The following RFX1 variants were observed in gnomAD, a reference collection of about 807,000 sequenced individuals.
RFX1 encodes the protein regulatory factor X1, also known as MHC class II regulatory factor RFX1.
RFX1 carries 42 observed loss-of-function variants against 119.6 expected under a neutral mutation model. That is an observed-to-expected ratio of 0.35 (90% CI 0.27 to 0.45). The LOEUF (loss-of-function observed/expected upper bound fraction) is 0.45. Ranked by LOEUF, RFX1 falls within the 20% of genes least tolerant of loss-of-function variation. The probability of loss-of-function intolerance (pLI) is 1.00; values close to 1 mark genes in which losing one functional copy is unlikely to be tolerated. For synonymous variants in RFX1, 628 were observed against 618.5 expected (o/e 1.02, Z -0.23); for missense variants, 1,118 against 1,368.1 (o/e 0.82, Z 2.88).
chr19:13,971,179 C>A (rs1312172940), intron 9 of RFX1, among the ~76,000 whole-genome samples: 8 of 151,604 alleles, frequency 5.3e-5, no homozygotes, highest in Non-Finnish European at 7.4e-5. Context: ...ACTAAAAATA[C>A]AAAAATTAGC....
intron 1 of RFX1, among the ~76,000 whole-genome samples, chr19:13,994,399 C>T (rs1382924811): frequency 2.0e-5 from 3 of 152,148 alleles, no homozygotes; most frequent in African/African-American, 7.2e-5. Flanking sequence ...TGGGCACTTT[C>T]CCTATGTTAG....
Position 13,969,021 on chromosome 19 carries a change from G to T in RFX1, c.1497-127C>A. The T allele has an allele frequency of 9.1e-7, 1 of 1,098,616 alleles. No homozygotes were observed. The highest frequency in any genetic ancestry group is 1.3e-6 in the Non-Finnish European group (1 of 777,962). The allele number at this position is 1,098,616 out of a possible 1,614,324, so 68.1% of individuals were successfully genotyped here. ...GATAGAGAGACGCCTGCCCTGCAGA[G>T]ACGGGGGTGCTGCACTGAGGAGGCA... On this transcript the variant is annotated intron_variant, in intron 10 of 20. Coordinates refer to ENST00000254325, the MANE Select transcript of RFX1 (RefSeq NM_002918.5). This position sits in a 1 kb window ranked among gnomAD's most constrained non-coding sequence, Gnocchi z 4.5.
rs563474870 is a variant in RFX1, at chr19:13,965,467, C to T, written c.2193G>A (p.Glu731=). The T allele has an allele frequency of 6.2e-7, 1 of 1,613,960 alleles. No individual in the cohort carries two copies. The highest frequency in any genetic ancestry group is 2.2e-5 in the East Asian group (1 of 44,884). The part of the protein sequence containing the change: ...WLTHAMVNIP[E]EMLRVKVAAA... ...CTCTCACCTTCACCCGCAGCATCTC[C>T]TCGGGGATGTTGACCATGGCGTGGG... Residue 731 remains glutamate (E), a synonymous_variant, in exon 16 of 21, where the codon GAG becomes GAA. Transcript: ENST00000254325. The surrounding 1 kb of genome is among the most constrained non-coding windows in gnomAD (Gnocchi z 4.7).
At chr19:14,003,409 A>C (rs1975279490) in intron 1 of RFX1, among the ~76,000 whole-genome samples, 1 of 152,104 alleles carries the variant, frequency 6.6e-6, no homozygotes, top group African/African-American at 2.4e-5. Context: ...GATCCCTGTC[A>C]TCGACCCACA....
At position 13,982,149 on chromosome 19, in the gene RFX1, C is replaced by T. The variant is rs774273378; in HGVS notation, c.593G>A (p.Gly198Asp). 34 of 1,311,472 alleles carry T rather than the reference C, an allele frequency of 2.6e-5. No individual in the cohort carries two copies. Among genetic ancestry groups the T allele is most frequent in the Non-Finnish European group, 3.2e-5 (33 of 1,021,536 alleles). The allele number at this position is 1,311,472 out of a possible 1,614,324, so 81.2% of individuals were successfully genotyped here. ...KGGQVSLTVH[G>D]TQQVHSPPEQ... ...TGGGGGCGAGTGCACCTGCTGGGTA[C>T]CATGGACCGTCAGGGAGACCTGGCC... The change falls in exon 5 of 21, where the codon GGT becomes GAT. Residue 198 changes from glycine (G) to aspartate (D), a missense_variant. By Grantham distance (94) the Gly-to-Asp change is moderately conservative. This residue lies in a region of RFX1 where 542 missense variants were observed against 602.7 expected (regional missense o/e 0.90). Coordinates refer to ENST00000254325, the MANE Select transcript of RFX1 (RefSeq NM_002918.5).
chr19:13,966,206 G>A lies in RFX1; in HGVS notation c.1961+215C>T, dbSNP rs973410479. ...ATTCCAGAACCTGCCACTCCAGGGA[G>A]AAGATGGTGCCCTGCCCCATGCCTG... On this transcript the variant is annotated intron_variant, in intron 14 of 20. Coordinates refer to ENST00000254325, the MANE Select transcript of RFX1 (RefSeq NM_002918.5). This position sits in a 1 kb window ranked among gnomAD's most constrained non-coding sequence, Gnocchi z 6.3. Among the ~76,000 whole-genome samples, 1 of 152,154 alleles carries A rather than the reference G, an allele frequency of 6.6e-6. No individual in the cohort carries two copies.
rs1974019707 is a variant in RFX1, at chr19:13,969,861, G to GCTGT, written c.1496+129_1496+132dup. 1 of 824,360 alleles carries GCTGT rather than the reference G, an allele frequency of 1.2e-6. No homozygotes were observed. Among genetic ancestry groups the GCTGT allele is most frequent in the Non-Finnish European group, 1.9e-6 (1 of 535,044 alleles). 51.1% of individuals were successfully genotyped at this position (824,360 alleles called of 1,614,324 possible). On this transcript the variant is annotated intron_variant, in intron 10 of 20. Coordinates refer to ENST00000254325, the MANE Select transcript of RFX1 (RefSeq NM_002918.5). This position sits in a 1 kb window ranked among gnomAD's most constrained non-coding sequence, Gnocchi z 4.5. ...AAGGCCTAGAGTGGGAGTGAGCGGG[G>GCTGT]CTGTCGAGGAGCCTCGCAGAGGCCG... is the stretch of plus-strand genomic sequence containing the variant.
Position 13,962,606 on chromosome 19 carries a change from C to A in RFX1, c.*89G>T, listed in dbSNP as rs1446076418. The A allele has an allele frequency of 4.5e-6, 5 of 1,117,200 alleles. No individual in the cohort carries two copies. Among genetic ancestry groups the A allele is most frequent in the Non-Finnish European group, 4.8e-6 (4 of 831,278 alleles). The allele number at this position is 1,117,200 out of a possible 1,614,324, so 69.2% of individuals were successfully genotyped here. On this transcript the variant is annotated 3_prime_UTR_variant, in exon 21 of 21. Coordinates refer to ENST00000254325, the MANE Select transcript of RFX1 (RefSeq NM_002918.5). ...GTCCCCCTCCCTGCCCTGGCTGAGG[C>A]TGGAGCAGTGACCACGAAGCCACAG...
At chr19:13,987,830 G>T (rs1974655322) in intron 2 of RFX1, among the ~76,000 whole-genome samples, 1 of 152,192 alleles carries the variant, frequency 6.6e-6, no homozygotes, top group Non-Finnish European at 1.5e-5. Context: ...ACCAAAGTGA[G>T]CCCCAGAGAG....
intron 2 of RFX1, among the ~76,000 whole-genome samples, chr19:13,991,413 A>T (rs991948056): frequency 6.6e-6 from 1 of 152,204 alleles, no homozygotes; most frequent in Non-Finnish European, 1.5e-5. Context: ...CCATGACTGC[A>T]GCCCGACCTC....
chr19:13,982,130 C>T lies in RFX1; in HGVS notation c.612G>A (p.Ser204=), dbSNP rs570569921. 10 of 1,310,302 alleles carry T rather than the reference C, an allele frequency of 7.6e-6. No homozygotes were observed. In the South Asian group the frequency reaches 9.5e-5, roughly 13 times the overall value. 81.2% of individuals were successfully genotyped at this position (1,310,302 alleles called of 1,614,324 possible). A position where few individuals can be genotyped will look rare whatever the true frequency, so the allele number is the denominator to read the frequency against. Residue 204 remains serine, a synonymous_variant, in exon 5 of 21, where the codon TCG becomes TCA. Coordinates refer to ENST00000254325, the MANE Select transcript of RFX1 (RefSeq NM_002918.5). ...CAGGACCACCACTTACCTCTGGGGG[C>T]GAGTGCACCTGCTGGGTACCATGGA... is the stretch of plus-strand genomic sequence containing the variant. ...LTVHGTQQVH[S]PPEQSPVQAN...
chr19:13,967,779 T>C (rs1973952340), intron 12 of RFX1, among the ~76,000 whole-genome samples: 1 of 152,018 alleles, frequency 6.6e-6, no homozygotes, highest in Non-Finnish European at 1.5e-5. Context: ...CACCAGGCCT[T>C]ACTTTTAGAA....
chr19:13,972,912 C>T lies in RFX1; in HGVS notation c.1145G>A (p.Gly382Asp), dbSNP rs751073401. ...TGAGASNSSG[G>D]GGSGGGGGGG... ...GCCGCCGCCACCACCACTGCCACCACCTCCGCTGCTGTTGCTGGCCCCAGC... is the reference window on the plus strand; with the variant it reads ...GCCGCCGCCACCACCACTGCCACCATCTCCGCTGCTGTTGCTGGCCCCAGC... The change falls in exon 9 of 21, where the codon GGT becomes GAT. Residue 382 changes from glycine (G) to aspartate (D), a missense_variant. Transcript: ENST00000254325. 4 of 1,595,016 alleles carry T rather than the reference C, an allele frequency of 2.5e-6. No homozygotes were observed. The highest frequency in any genetic ancestry group is 4.5e-5 in the East Asian group (2 of 44,590).
rs139813359 is a variant in RFX1 at position 13,988,125 on chromosome 19, C to T, written c.320-4530G>A. 9.1e-3 allele frequency among the ~76,000 whole-genome samples: 1,373 copies of T among 150,988 alleles called. 17 individuals are homozygous for T. Among genetic ancestry groups the T allele is most frequent in the African/African-American group, 0.024 (986 of 40,996 alleles). ...CACTGCAACCTCCACCTCCCAGGTT[C>T]GAGCGATTCTCCTGCCCCAGCCTCC... On this transcript the variant is annotated intron_variant, in intron 2 of 20. Transcript: ENST00000254325.
Position 13,985,007 on chromosome 19 carries a change from T to A in RFX1, c.320-1412A>T, listed in dbSNP as rs1974547021. ...TCCCAAGTAGCTGGGACTACACGCA[T>A]GCACCACCATGTCCGGCTAATTTTT... On this transcript the variant is annotated intron_variant, in intron 2 of 20. Coordinates refer to ENST00000254325, the MANE Select transcript of RFX1 (RefSeq NM_002918.5). The surrounding 1 kb of genome is among the most constrained non-coding windows in gnomAD (Gnocchi z 4.3). Among the ~76,000 whole-genome samples, 1 of 152,176 alleles carries A rather than the reference T, an allele frequency of 6.6e-6. No individual in the cohort carries two copies. Among genetic ancestry groups the A allele is most frequent in the Non-Finnish European group, 1.5e-5 (1 of 68,002 alleles).
chr19:13,979,597 AC>A, intron 6 of RFX1, 55 bp from the exon 7 acceptor site: 1 of 1,298,130 alleles, frequency 7.7e-7, no homozygotes, highest in Non-Finnish European at 1.1e-6. Context: ...CCGTCAACCT[AC>A]CCAGCCCCTG....
In RFX1 at chr19:13,972,798, A is replaced by G. The variant is rs201143416; in HGVS notation, c.1259T>C (p.Met420Thr). 5 of 1,608,624 alleles carry G rather than the reference A, an allele frequency of 3.1e-6. No individual in the cohort carries two copies. In the African/African-American group the frequency reaches 5.3e-5, roughly 17 times the overall value. Residue 420 changes from methionine to threonine, a missense_variant, in exon 9 of 21, where the codon ATG (methionine) becomes ACG (threonine). By Grantham distance (81) the Met-to-Thr change is moderately conservative. Around this residue, in one of 5 missense-constraint regions of RFX1, gnomAD observed 542 missense variants for 602.7 expected, o/e 0.90. Coordinates refer to ENST00000254325, the MANE Select transcript of RFX1 (RefSeq NM_002918.5). ...GTAAGACTGGCTGGCACTGCCCAGC[A>G]TGTAGCCGCCTTGGATCACGTAGGT... ...AGTYVIQGGY[M>T]LGSASQSYSH... is the part of the protein sequence containing the mutation.
chr19:13,969,893 C>T lies in RFX1; in HGVS notation c.1496+101G>A. The T allele has an allele frequency of 8.0e-7, 1 of 1,245,254 alleles. No individual in the cohort carries two copies. Among genetic ancestry groups the T allele is most frequent in the Non-Finnish European group, 1.1e-6 (1 of 905,942 alleles). The allele number at this position is 1,245,254 out of a possible 1,614,324, so 77.1% of individuals were successfully genotyped here. ...AGGAGCCTCGCAGAGGCCGGCGGGA[C>T]TGGGCTGGACTGGACTGCCTGAGAT... On this transcript the variant is annotated intron_variant, in intron 10 of 20. Transcript: ENST00000254325. This position sits in a 1 kb window ranked among gnomAD's most constrained non-coding sequence, Gnocchi z 4.5.
At chr19:14,005,197 C>T (rs183506904) in intron 1 of RFX1, among the ~76,000 whole-genome samples, 1 of 152,312 alleles carries the variant, frequency 6.6e-6, no homozygotes, top group Admixed American at 6.5e-5. Context: ...AACAGCAGCC[C>T]AGAGAAAAGC....
Sources: allele counts gnomAD v4.1 joint callset (sites outside exome capture counted in the v4.1 genomes callset), GRCh38; gene constraint gnomAD v4.1.1; regional missense constraint gnomAD v4.1.1; non-coding constraint Gnocchi (gnomAD v3.1); transcripts MANE v1.5; gene names NCBI Gene and HGNC (gene_info 2026-07-23, HGNC 2026-07-21).